IMPA2: variants seen among roughly 807,000 people sequenced by gnomAD.
IMPA2 encodes the protein inositol monophosphatase 2.
Under a neutral mutation model 35.1 loss-of-function variants are expected in IMPA2, and 32 were observed. The observed-to-expected ratio is 0.91, with a 90% CI of 0.69 to 1.23. The LOEUF is 1.23. Ranked by LOEUF, IMPA2 falls within the 50% of genes most tolerant of loss-of-function variation. The probability of loss-of-function intolerance (pLI) is 0.00; values close to 1 mark genes in which losing one functional copy is unlikely to be tolerated. For synonymous variants in IMPA2, 135 were observed against 160.6 expected, an observed-to-expected ratio of 0.84 and a Z score of 1.20; for missense variants, 334 against 387.6, an observed-to-expected ratio of 0.86 and a Z score of 1.16.
At chr18:12,008,159 C>G (rs746994448) in intron 2 of IMPA2, among the ~76,000 whole-genome samples, 14 of 152,130 alleles carry the variant, frequency 9.2e-5, no homozygotes, top group Non-Finnish European at 5.9e-5. Flanking sequence ...CCACGCCCAG[C>G]TAATTTTTGT....
intron 1 of IMPA2, chr18:11,994,166 G>A (rs1044095896): frequency 2.0e-5 from 3 of 152,222 alleles, no homozygotes; most frequent in Admixed American, 6.5e-5. Context: ...TTGAGGCCTG[G>A]AGTTTGAGAC....
intron 5 of IMPA2, chr18:12,018,164 C>G (rs1328489259): frequency 6.5e-6 from 1 of 153,180 alleles, no homozygotes; most frequent in African/African-American, 2.4e-5. Flanking sequence ...TGGTCTTGAA[C>G]TCCTGACCTC....
At chr18:11,983,645 G>A (rs1906570106) in intron 1 of IMPA2, among the ~76,000 whole-genome samples, 3 of 152,060 alleles carry the variant, frequency 2.0e-5, no homozygotes, top group African/African-American at 7.2e-5. Flanking sequence ...TTAAACGCTG[G>A]AGAGGGTTGC....
Position 12,010,139 on chromosome 18 carries a change from G to C in IMPA2, c.335+152G>C. 1.8e-6 allele frequency: 1 copy of C among 544,704 alleles called. No individual in the cohort carries two copies. The highest frequency in any genetic ancestry group is 2.5e-5 in the South Asian group (1 of 39,348). The allele number at this position is 544,704 out of a possible 1,614,324, so 33.7% of individuals were successfully genotyped here. On this transcript the variant is annotated intron_variant, in intron 3 of 7. Coordinates refer to ENST00000269159, the MANE Select transcript of IMPA2 (RefSeq NM_014214.3). The surrounding 1 kb of genome is among the most constrained non-coding windows in gnomAD (Gnocchi z 4.8). ...CTCATCAGAAAGATGATCAGATCTT[G>C]ATATTTTTAAAATAAGGTTTTCCGT... is the stretch of plus-strand genomic sequence containing the variant.
Position 12,028,284 on chromosome 18 carries a change from C to A in IMPA2, c.599+133C>A, listed in dbSNP as rs890082502. 3 of 650,238 alleles carry A rather than the reference C, an allele frequency of 4.6e-6. No homozygotes were observed. The East Asian group carries it at 8.2e-5, about 18-fold the overall frequency. The allele number at this position is 650,238 out of a possible 1,614,324, so 40.3% of individuals were successfully genotyped here. A position where few individuals can be genotyped will look rare whatever the true frequency, so the allele number is the denominator to read the frequency against. Reference sequence around the variant, plus strand: ...GTGGGAGGGGCACATGAACATCAGACTCAGGGAAGCCCTGTGAGGGGCCCG... The same window carrying A: ...GTGGGAGGGGCACATGAACATCAGAATCAGGGAAGCCCTGTGAGGGGCCCG... On this transcript the variant is annotated intron_variant, in intron 6 of 7. Coordinates refer to ENST00000269159, the MANE Select transcript of IMPA2 (RefSeq NM_014214.3).
intron 2 of IMPA2, among the ~76,000 whole-genome samples, chr18:12,007,588 T>TTTTC (rs148043347): frequency 3.5e-5 from 5 of 142,552 alleles, no homozygotes; most frequent in East Asian, 4.1e-4. Context: ...CTTTCTTTTC[T>TTTTC]TTTCTTTCTT....
At chr18:11,982,460 C>T (rs1906531063) in intron 1 of IMPA2, among the ~76,000 whole-genome samples, 1 of 152,174 alleles carries the variant, frequency 6.6e-6, no homozygotes, top group East Asian at 1.9e-4. Context: ...TGTTGGTTCT[C>T]CCAGGACTGT....
chr18:12,015,953 G>T (rs1461371208), intron 5 of IMPA2, among the ~76,000 whole-genome samples: 1 of 152,148 alleles, frequency 6.6e-6, no homozygotes, highest in Non-Finnish European at 1.5e-5. Context: ...CGTCCTCCCA[G>T]CCTGCAGGCT....
chr18:12,020,107 C>G (rs1482392365), intron 5 of IMPA2, among the ~76,000 whole-genome samples: 1 of 151,926 alleles, frequency 6.6e-6, no homozygotes, highest in Admixed American at 6.6e-5. Flanking sequence ...AACTCCTGAC[C>G]TCAGGTGATC....
chr18:11,986,108 A>G (rs1182767542), intron 1 of IMPA2, among the ~76,000 whole-genome samples: 3 of 152,328 alleles, frequency 2.0e-5, no homozygotes, highest in East Asian at 3.9e-4. Context: ...AGGACAAAGC[A>G]GAAAAAGAAA....
chr18:12,029,064 T>G, intron 7 of IMPA2, 71 bp downstream of exon 7: 4 of 1,335,442 alleles, frequency 3.0e-6, no homozygotes, highest in Non-Finnish European at 3.1e-6. Context: ...GGGCACTTCC[T>G]GAAGTCCCCA....
At chr18:12,003,652 AAAAAAAAAAAAAGAAAAGG>A (rs1157393549) in intron 2 of IMPA2, among the ~76,000 whole-genome samples, 5 of 54,444 alleles carry the variant, frequency 9.2e-5, no homozygotes, top group African/African-American at 7.7e-4. Flanking sequence ...CTCCATCTTA[AAAAAAAAAAAAAGAAAAGG>A]AAAAAAAAAA....
In IMPA2 at chr18:11,999,053, G is replaced by C; in HGVS notation, c.97-1G>C. On this transcript the variant is annotated splice_acceptor_variant, in intron 1 of 7. Coordinates refer to ENST00000269159, the MANE Select transcript of IMPA2 (RefSeq NM_014214.3). LOFTEE classifies it high-confidence loss of function. ...ACCCAAATCCCGTACTTTTATTTCA[G>C]ATCATCAGAAAAGCCCTTACTGAGG... is the stretch of plus-strand genomic sequence containing the variant. The C allele has an allele frequency of 6.2e-7, 1 of 1,610,506 alleles. No individual in the cohort carries two copies. Among genetic ancestry groups the C allele is most frequent in the Non-Finnish European group, 8.5e-7 (1 of 1,178,734 alleles).
chr18:12,000,615 A>ATTTTTTTTT (rs367586917), intron 2 of IMPA2, among the ~76,000 whole-genome samples: 1 of 118,206 alleles, frequency 8.5e-6, no homozygotes. Flanking sequence ...AGTGTTTGTG[A>ATTTTTTTTT]TTTTTTTTTT....
rs1906607368 is a variant in IMPA2 at position 11,984,737 on chromosome 18, G to T, written c.96+2972G>T. 2.0e-5 allele frequency among the ~76,000 whole-genome samples: 3 copies of T among 152,150 alleles called. 1 individual carries two copies. In the South Asian group the frequency reaches 6.2e-4, roughly 31 times the overall value. On this transcript the variant is annotated intron_variant, in intron 1 of 7. Transcript: ENST00000269159. Reference sequence around the variant, plus strand: ...AATCCCAGCACTTTGGGAGGCCGAGGTGGGCAGATCACAAGGTCAGGAGAT... The same window carrying T: ...AATCCCAGCACTTTGGGAGGCCGAGTTGGGCAGATCACAAGGTCAGGAGAT...
At chr18:12,018,973 A>G (rs1907655443) in intron 5 of IMPA2, among the ~76,000 whole-genome samples, 1 of 151,684 alleles carries the variant, frequency 6.6e-6, no homozygotes, top group Non-Finnish European at 1.5e-5. Flanking sequence ...ACAGGTGCTC[A>G]CCACCATGCC....
chr18:12,002,019 G>T (rs1217879416), intron 2 of IMPA2, among the ~76,000 whole-genome samples: 1 of 152,136 alleles, frequency 6.6e-6, no homozygotes, highest in African/African-American at 2.4e-5. Flanking sequence ...CTCAAAAATT[G>T]ACATCAAATG....
At chr18:11,988,626 T>A (rs1380482073) in intron 1 of IMPA2, among the ~76,000 whole-genome samples, 2 of 152,088 alleles carry the variant, frequency 1.3e-5, no homozygotes, top group Admixed American at 6.5e-5. Flanking sequence ...AAGATTTACT[T>A]TGGAGGCTGA....
In IMPA2 at chr18:12,020,123, G is replaced by A. The variant is rs149126085; in HGVS notation, c.490+5750G>A. ...ACTCCTGACCTCAGGTGATCCACAC[G>A]CTTCGGCCTCAAGTGCTGGGATTAC... On this transcript the variant is annotated intron_variant, in intron 5 of 7. Transcript: ENST00000269159. 5.9e-4 allele frequency among the ~76,000 whole-genome samples: 90 copies of A among 152,156 alleles called. 1 individual carries two copies. The highest frequency in any genetic ancestry group is 6.8e-3 in the Middle Eastern group (2 of 294).
Sources: gnomAD v4.1 joint callset for allele counts (sites outside exome capture counted in the v4.1 genomes callset) on GRCh38, gnomAD v4.1.1 for gene constraint, Gnocchi (gnomAD v3.1) non-coding constraint, MANE v1.5 for transcripts, NCBI Gene and HGNC (gene_info 2026-07-23, HGNC 2026-07-21) for gene names.